The following COMMD9 variants were observed in gnomAD, a reference collection of about 807,000 sequenced individuals.
The protein encoded by COMMD9 is COMM domain-containing protein 9.
In COMMD9, 22 loss-of-function variants were observed where a neutral mutation model predicts 23.4. The ratio of observed to expected loss-of-function variants is 0.94; its 90% CI spans 0.67 to 1.34. The LOEUF is 1.34. COMMD9 is among the 40% of genes most tolerant of loss of function. The pLI is 0.00. For synonymous variants in COMMD9, 99 were observed against 97.4 expected, an observed-to-expected ratio of 1.02 and a Z score of -0.10; for missense variants, 231 against 240.2, an observed-to-expected ratio of 0.96 and a Z score of 0.25.
At chr11:36,276,386 G>A (rs1590396901) in intron 4 of COMMD9, 146 bp from the exon 5 acceptor site, 9 of 618,914 alleles carry the variant, frequency 1.5e-5, no homozygotes, top group South Asian at 1.1e-4. Context: ...AACAAAGCCC[G>A]AGACCCACAG....
intron 1 of COMMD9, among the ~76,000 whole-genome samples, chr11:36,286,571 C>A (rs1261883118): frequency 1.3e-5 from 2 of 151,892 alleles, no homozygotes; most frequent in Admixed American, 6.6e-5. Flanking sequence ...TGAACTGTAG[C>A]CTGGGCCACA....
intron 3 of COMMD9, chr11:36,278,141 G>C: frequency 4.4e-6 from 1 of 226,842 alleles, no homozygotes; most frequent in Non-Finnish European, 8.5e-6. Flanking sequence ...TGATATTGAA[G>C]GTAAACATTG....
chr11:36,284,244 T>A (rs574765200), intron 1 of COMMD9, among the ~76,000 whole-genome samples: 1 of 152,244 alleles, frequency 6.6e-6, no homozygotes, highest in East Asian at 1.9e-4. Flanking sequence ...AGTGGCTAAA[T>A]TAATAATAGA....
chr11:36,275,327 T>A (rs1429032267), intron 5 of COMMD9, among the ~76,000 whole-genome samples: 1 of 152,204 alleles, frequency 6.6e-6, no homozygotes, highest in Non-Finnish European at 1.5e-5. Context: ...CACTACAATA[T>A]GGATATGTAG....
intron 2 of COMMD9, among the ~76,000 whole-genome samples, chr11:36,279,205 T>A (rs557013041): frequency 1.3e-5 from 2 of 152,250 alleles, no homozygotes; most frequent in East Asian, 3.9e-4. Flanking sequence ...TCTCAACTGG[T>A]TGCCTAGGAG....
intron 3 of COMMD9, 116 bp from the exon 4 acceptor site, chr11:36,277,239 C>T (rs573399119): frequency 3.0e-5 from 18 of 591,972 alleles, no homozygotes; most frequent in Admixed American, 7.9e-5. Flanking sequence ...CACCTGCTAA[C>T]AGGAAAGGAC....
chr11:36,278,810 T>C (rs577772442), intron 2 of COMMD9, among the ~76,000 whole-genome samples, 194 bp from the exon 3 acceptor site: 1 of 152,350 alleles, frequency 6.6e-6, no homozygotes, highest in African/African-American at 2.4e-5. Context: ...AGTTCACCTG[T>C]TGCTTTAGAA....
At chr11:36,277,619 G>A (rs1242121062) in intron 3 of COMMD9, among the ~76,000 whole-genome samples, 1 of 152,132 alleles carries the variant, frequency 6.6e-6, no homozygotes, top group Non-Finnish European at 1.5e-5. Context: ...ATTGCTATTA[G>A]AGAGGTCTGT....
chr11:36,278,641 T>C, intron 2 of COMMD9, 25 bp from the exon 3 acceptor site: 2 of 1,609,144 alleles, frequency 1.2e-6, no homozygotes, highest in South Asian at 1.1e-5. Flanking sequence ...GAACCACCTG[T>C]AGCTGTAACA....
rs758578685 is a variant in COMMD9, at chr11:36,278,634, C to A, written c.178-18G>T. ...TGGAGCAGCTGCAAGATAAACGGAA[C>A]CACCTGTAGCTGTAACAGAAGCAGC... On this transcript the variant is annotated intron_variant, in intron 2 of 5. Transcript: ENST00000263401. 1.9e-6 allele frequency: 3 copies of A among 1,610,906 alleles called. No homozygotes were observed. Among genetic ancestry groups the A allele is most frequent in the Non-Finnish European group, 2.5e-6 (3 of 1,178,848 alleles).
chr11:36,273,937 C>A lies in COMMD9; in HGVS notation c.*695G>T, dbSNP rs890983601. 8 of 177,134 alleles carry A rather than the reference C, an allele frequency of 4.5e-5. No homozygotes were observed. Among genetic ancestry groups the A allele is most frequent in the African/African-American group, 1.7e-4 (7 of 42,270 alleles). 11.0% of individuals were successfully genotyped at this position (177,134 alleles called of 1,614,324 possible). A position where few individuals can be genotyped will look rare whatever the true frequency, so the allele number is the denominator to read the frequency against. ...CTGGCCAAAAGCTTCAACTTGGGGACAAAAGAAGCTACAAAAATCATGGAA... is the reference window on the plus strand; with the variant it reads ...CTGGCCAAAAGCTTCAACTTGGGGAAAAAAGAAGCTACAAAAATCATGGAA... On this transcript the variant is annotated 3_prime_UTR_variant, in exon 6 of 6. Coordinates refer to ENST00000263401, the MANE Select transcript of COMMD9 (RefSeq NM_014186.4).
chr11:36,288,376 AGAG>A (rs1856208255), intron 1 of COMMD9, among the ~76,000 whole-genome samples: 1 of 111,982 alleles, frequency 8.9e-6, no homozygotes, highest in Non-Finnish European at 2.0e-5. Flanking sequence ...AAAAAAAAAG[AGAG>A]AGGAAGAAAG....
chr11:36,285,428 A>T (rs1283127364), intron 1 of COMMD9, among the ~76,000 whole-genome samples: 1 of 152,094 alleles, frequency 6.6e-6, no homozygotes, highest in Non-Finnish European at 1.5e-5. Context: ...GCAAACATTT[A>T]AAAAAAGAAT....
In COMMD9 at chr11:36,274,112, G is replaced by A; in HGVS notation, c.*520C>T. On this transcript the variant is annotated 3_prime_UTR_variant, in exon 6 of 6. Transcript: ENST00000263401. Reference sequence around the variant, plus strand: ...CACTGAAGAGGGGTTCCAGTATGGTGGAGGGGGCTCAGGGAACACTCTGGA... The same window carrying A: ...CACTGAAGAGGGGTTCCAGTATGGTAGAGGGGGCTCAGGGAACACTCTGGA... 1 of 377,114 alleles carries A rather than the reference G, an allele frequency of 2.7e-6. No individual in the cohort carries two copies. Among genetic ancestry groups the A allele is most frequent in the Non-Finnish European group, 5.3e-6 (1 of 187,124 alleles). The allele number at this position is 377,114 out of a possible 1,614,324, so 23.4% of individuals were successfully genotyped here. A position where few individuals can be genotyped will look rare whatever the true frequency, so the allele number is the denominator to read the frequency against.
chr11:36,273,371 G>A lies in COMMD9; in HGVS notation c.*1261C>T, dbSNP rs1855909573. 6.6e-6 allele frequency: 1 copy of A among 152,272 alleles called. No individual in the cohort carries two copies. The highest frequency in any genetic ancestry group is 1.5e-5 in the Non-Finnish European group (1 of 68,064). The allele number at this position is 152,272 out of a possible 1,614,324, so 9.4% of individuals were successfully genotyped here. ...GGGAATCTTCACACATGGAGTCCCTGTGAGGCGTGAGGCACATGACAGAGA... is the reference window on the plus strand; with the variant it reads ...GGGAATCTTCACACATGGAGTCCCTATGAGGCGTGAGGCACATGACAGAGA... On this transcript the variant is annotated 3_prime_UTR_variant, in exon 6 of 6. Transcript: ENST00000263401.
chr11:36,284,283 T>A (rs931752100), intron 1 of COMMD9, among the ~76,000 whole-genome samples: 1 of 152,204 alleles, frequency 6.6e-6, no homozygotes, highest in Non-Finnish European at 1.5e-5. Flanking sequence ...CAAAGAAAAT[T>A]ACCAGAGACA....
In COMMD9 at chr11:36,272,489, C is replaced by G. The variant is rs1196222060; in HGVS notation, c.*2143G>C. 1.3e-5 allele frequency: 2 copies of G among 152,272 alleles called. No individual in the cohort carries two copies. The highest frequency in any genetic ancestry group is 4.8e-5 in the African/African-American group (2 of 41,450). The allele number at this position is 152,272 out of a possible 1,614,324, so 9.4% of individuals were successfully genotyped here. ...GCCAAGAGGAAGGTATCTGACATCT[C>G]TCTCTGCAGGTCATGGGGAATGGAA... On this transcript the variant is annotated 3_prime_UTR_variant, in exon 6 of 6. Coordinates refer to ENST00000263401, the MANE Select transcript of COMMD9 (RefSeq NM_014186.4).
chr11:36,275,592 C>T (rs1041192232), intron 5 of COMMD9, among the ~76,000 whole-genome samples: 41 of 152,132 alleles, frequency 2.7e-4, no homozygotes, highest in African/African-American at 9.4e-4. Context: ...TATAGGAGCC[C>T]GCCACCACGC....
intron 1 of COMMD9, among the ~76,000 whole-genome samples, chr11:36,288,979 C>A (rs1045965708): frequency 7.2e-4 from 110 of 152,012 alleles, no homozygotes; most frequent in Admixed American, 8.5e-4. Flanking sequence ...GAGGGCTGGG[C>A]AGACGCAGTA....
Sources: allele counts gnomAD v4.1 joint callset (sites outside exome capture counted in the v4.1 genomes callset), GRCh38; gene constraint gnomAD v4.1.1; transcripts MANE v1.5; gene names NCBI Gene and HGNC (gene_info 2026-07-23, HGNC 2026-07-21).